Variants in GARIN2 observed in about 807,000 individuals in gnomAD.
The protein encoded by GARIN2 is Golgi-associated RAB2 interactor protein 2.
chr14:67,193,397 CTAGA>C, the GARIN2 span, among the ~76,000 whole-genome samples: 2 of 135,556 alleles, frequency 1.5e-5, no homozygotes, highest in Non-Finnish European at 3.2e-5. Flanking sequence ...CTAGATATAT[CTAGA>C]TATATATCTA....
At chr14:67,202,721 A>C in the GARIN2 span, among the ~76,000 whole-genome samples, 1 of 152,178 alleles carries the variant, frequency 6.6e-6, no homozygotes, top group African/African-American at 2.4e-5. Context: ...TTATGTGTAA[A>C]TGTGTGTACC....
the GARIN2 span, among the ~76,000 whole-genome samples, chr14:67,219,233 G>A: frequency 3.3e-5 from 5 of 152,166 alleles, no homozygotes; most frequent in Admixed American, 3.3e-4. Flanking sequence ...AGGACTGTAG[G>A]TGTTTTTGGT....
the GARIN2 span, chr14:67,201,613 G>A: frequency 1.6e-5 from 7 of 448,188 alleles, no homozygotes; most frequent in East Asian, 4.2e-4. Flanking sequence ...CACTGGCAAG[G>A]GGTGTGGAGT....
chr14:67,215,401 C>G, the GARIN2 span, among the ~76,000 whole-genome samples: 1 of 138,906 alleles, frequency 7.2e-6, no homozygotes, highest in African/African-American at 3.0e-5. Flanking sequence ...GAACACTGAT[C>G]TATTGTTTTT....
the GARIN2 span, among the ~76,000 whole-genome samples, chr14:67,192,863 T>TATAGATATATAGATATATATCTAG: frequency 6.8e-6 from 1 of 146,626 alleles, no homozygotes; most frequent in African/African-American, 2.5e-5. Flanking sequence ...TATACAGATA[T>TATAGATATATAGATATATATCTAG]ATATAGATAT....
At chr14:67,198,586 C>A in the GARIN2 span, among the ~76,000 whole-genome samples, 1 of 152,204 alleles carries the variant, frequency 6.6e-6, no homozygotes, top group Non-Finnish European at 1.5e-5. Context: ...CCCAAAATTA[C>A]ATGAAGCCGT....
At chr14:67,221,768 T>C in the GARIN2 span, 5 of 1,613,124 alleles carry the variant, frequency 3.1e-6, no homozygotes, top group South Asian at 1.1e-5. Flanking sequence ...ATGTGCTATT[T>C]ATTTTTACAG....
chr14:67,213,782 T>C, the GARIN2 span, among the ~76,000 whole-genome samples: 16 of 152,280 alleles, frequency 1.1e-4, no homozygotes, highest in East Asian at 1.9e-3. Context: ...GTCCCACCAA[T>C]AGTGTAAAAG....
the GARIN2 span, among the ~76,000 whole-genome samples, chr14:67,213,555 A>G: frequency 6.6e-6 from 1 of 152,006 alleles, no homozygotes; most frequent in South Asian, 2.1e-4. Context: ...TTCTTAATCC[A>G]GTTTATCATT....
the GARIN2 span, chr14:67,189,837 A>ATTTTTTTTT: frequency 9.3e-6 from 1 of 108,096 alleles, no homozygotes; most frequent in Non-Finnish European, 1.8e-5. Context: ...ATTTTTTTTA[A>ATTTTTTTTT]TTTTTTTTTT....
chr14:67,203,415 G>T, the GARIN2 span: 7 of 752,870 alleles, frequency 9.3e-6, no homozygotes, highest in Non-Finnish European at 1.2e-5. Flanking sequence ...ACTCCCTGCT[G>T]CAAATGACAA....
the GARIN2 span, among the ~76,000 whole-genome samples, chr14:67,190,005 T>TAA: frequency 6.7e-6 from 1 of 149,744 alleles, no homozygotes; most frequent in Non-Finnish European, 1.5e-5. Flanking sequence ...CACGCCCAGC[T>TAA]AATTTTGTAT....
At chr14:67,221,228 A>G in the GARIN2 span, among the ~76,000 whole-genome samples, 2 of 152,248 alleles carry the variant, frequency 1.3e-5, no homozygotes, top group Admixed American at 6.5e-5. Flanking sequence ...ATGTTATTAA[A>G]TGTAAATAAG....
the GARIN2 span, chr14:67,205,032 G>A: frequency 1.2e-5 from 18 of 1,552,422 alleles, no homozygotes; most frequent in Middle Eastern, 1.7e-4. Flanking sequence ...CAAACTGCTC[G>A]GGAGTCACAG....
the GARIN2 span, among the ~76,000 whole-genome samples, chr14:67,214,806 T>C: frequency 5.9e-5 from 9 of 152,310 alleles, no homozygotes; most frequent in East Asian, 1.7e-3. Context: ...GAGCATGGAA[T>C]GTTCTTCCAT....
the GARIN2 span, chr14:67,204,480 CT>C: frequency 1.3e-6 from 2 of 1,498,034 alleles, no homozygotes; most frequent in Non-Finnish European, 8.9e-7. Context: ...TAAGAAAGGC[CT>C]TTTTATAAGC....
At chr14:67,217,788 A>AT in the GARIN2 span, among the ~76,000 whole-genome samples, 80 of 151,788 alleles carry the variant, frequency 5.3e-4, no homozygotes, top group Non-Finnish European at 9.7e-4. Context: ...TTTTTCTGAC[A>AT]TTTTCTATGT....
At chr14:67,201,397 C>T in the GARIN2 span, 1 of 455,480 alleles carries the variant, frequency 2.2e-6, no homozygotes, top group South Asian at 1.6e-5. Context: ...AGTAGAAGAC[C>T]CCAATTCTCT....
chr14:67,204,145 A>G, the GARIN2 span, among the ~76,000 whole-genome samples: 4 of 152,172 alleles, frequency 2.6e-5, no homozygotes, highest in East Asian at 5.8e-4. Context: ...ACTATAAAAT[A>G]TAAGAAAGAG....
Sources: allele counts gnomAD v4.1 joint callset (sites outside exome capture counted in the v4.1 genomes callset), GRCh38; gene constraint gnomAD v4.1.1; transcripts MANE v1.5; gene names NCBI Gene and HGNC (gene_info 2026-07-23, HGNC 2026-07-21).